Variants in DDAH1 observed in about 807,000 individuals in gnomAD.
DDAH1 encodes N(G),N(G)-dimethylarginine dimethylaminohydrolase 1.
Under a neutral mutation model 28.8 loss-of-function variants are expected in DDAH1, and 19 were observed. The ratio of observed to expected loss-of-function variants is 0.66; its 90% CI spans 0.46 to 0.97. The LOEUF is 0.97. Among genes scored for constraint, DDAH1 ranks in the 50% least tolerant of loss-of-function variants. The pLI, the probability that DDAH1 is intolerant of heterozygous loss-of-function variation, is 0.00. For synonymous variants in DDAH1, 153 were observed against 154.4 expected, an observed-to-expected ratio of 0.99 and a Z score of 0.07; for missense variants, 326 against 375.9, an observed-to-expected ratio of 0.87 and a Z score of 1.10.
At chr1:85,407,695 T>G (rs1200135870) in intron 1 of DDAH1, among the ~76,000 whole-genome samples, 2 of 152,188 alleles carry the variant, frequency 1.3e-5, no homozygotes, top group African/African-American at 4.8e-5. Flanking sequence ...AAGAACTGAT[T>G]GTTGGTTTTT....
rs112037916 is a variant in DDAH1, at chr1:85,538,447, T to C, written c.-123+39537A>G. On this transcript the variant is annotated intron_variant, in intron 1 of 6. Transcript: ENST00000426972. ...ATCCTAAACCATATGGTATCATTAT[T>C]ATTAGTGTTGGATTGCCCTAAAAGG... 8.9e-3 allele frequency among the ~76,000 whole-genome samples: 1,358 copies of C among 152,308 alleles called. 20 individuals carry two copies. Among genetic ancestry groups the C allele is most frequent in the African/African-American group, 0.031 (1,287 of 41,562 alleles).
At chr1:85,497,275 C>G (rs12745559) in intron 1 of DDAH1, among the ~76,000 whole-genome samples, 1 of 151,896 alleles carries the variant, frequency 6.6e-6, no homozygotes, top group Admixed American at 6.6e-5. Context: ...ACTAAGAATG[C>G]AAAAAATGGC....
At chr1:85,435,915 C>T (rs570121) in intron 1 of DDAH1, among the ~76,000 whole-genome samples, 105,996 of 151,688 alleles carry the variant, frequency 0.7, 37,534 homozygotes, top group Middle Eastern at 0.85. Context: ...CTCAGCCTCC[C>T]GAGTAGCTGG....
intron 1 of DDAH1, among the ~76,000 whole-genome samples, chr1:85,407,728 T>C (rs371432643): frequency 6.6e-6 from 1 of 152,206 alleles, no homozygotes; most frequent in Non-Finnish European, 1.5e-5. Context: ...CCAAGGGTTA[T>C]GAAACATTAC....
At chr1:85,506,005 CA>C (rs1657004571) in intron 1 of DDAH1, among the ~76,000 whole-genome samples, 1 of 152,242 alleles carries the variant, frequency 6.6e-6, no homozygotes, top group South Asian at 2.1e-4. Context: ...GTGAGCAGCT[CA>C]GGGGAGACAA....
intron 1 of DDAH1, among the ~76,000 whole-genome samples, chr1:85,402,338 TC>T (rs1240633999): frequency 1.3e-5 from 2 of 151,958 alleles, no homozygotes; most frequent in Non-Finnish European, 2.9e-5. Flanking sequence ...GCCTCCAATT[TC>T]TTTCTTCTAG....
intron 2 of DDAH1, among the ~76,000 whole-genome samples, chr1:85,480,855 A>G (rs1026865419): frequency 1.3e-5 from 2 of 152,074 alleles, no homozygotes; most frequent in Non-Finnish European, 2.9e-5. Flanking sequence ...GTATATCCAT[A>G]CCTGTGGGAT....
chr1:85,497,290 AG>A (rs1462918849), intron 1 of DDAH1, among the ~76,000 whole-genome samples: 1 of 152,084 alleles, frequency 6.6e-6, no homozygotes. Flanking sequence ...AATGGCTGTG[AG>A]TTGTACTCTC....
At chr1:85,480,002 C>T (rs891530836) in intron 2 of DDAH1, among the ~76,000 whole-genome samples, 2 of 152,232 alleles carry the variant, frequency 1.3e-5, no homozygotes, top group Non-Finnish European at 2.9e-5. Context: ...CACATGTCTG[C>T]TCTCATAGGA....
At position 85,464,470 on chromosome 1, in the gene DDAH1, T is replaced by G; in HGVS notation, c.303+273A>C. 6.6e-7 allele frequency: 1 copy of G among 1,510,538 alleles called. No homozygotes were observed. Among genetic ancestry groups the G allele is most frequent in the Admixed American group, 2.0e-5 (1 of 50,162 alleles). The allele number at this position is 1,510,538 out of a possible 1,614,324, so 93.6% of individuals were successfully genotyped here. ...TAATTTTCACAAATAAAAATGCCCG[T>G]GAGACGGAATCCCCCGCCCACCCAC... On this transcript the variant is annotated intron_variant, in intron 1 of 5. Transcript: ENST00000284031. This position sits in a 1 kb window ranked among gnomAD's most constrained non-coding sequence, Gnocchi z 4.4.
chr1:85,353,950 T>G (rs1447901470), intron 2 of DDAH1, among the ~76,000 whole-genome samples: 1 of 151,864 alleles, frequency 6.6e-6, no homozygotes, highest in Non-Finnish European at 1.5e-5. Flanking sequence ...TGAAAAAAAG[T>G]AAAAAAAGGC....
intron 4 of DDAH1, among the ~76,000 whole-genome samples, chr1:85,337,411 A>G (rs1006301904): frequency 6.6e-6 from 1 of 152,196 alleles, no homozygotes; most frequent in African/African-American, 2.4e-5. Flanking sequence ...TTATCCATTT[A>G]AAACTGTAAT....
chr1:85,426,921 C>CAAAAAAAAAAAAAAAAAAAA (rs10680800), intron 1 of DDAH1, among the ~76,000 whole-genome samples: 2 of 120,426 alleles, frequency 1.7e-5, no homozygotes, highest in Non-Finnish European at 1.7e-5. Context: ...TTAAAAAAAA[C>CAAAAAAAAAAAAAAAAAAAA]AAAAAAAAAA....
intron 1 of DDAH1, among the ~76,000 whole-genome samples, chr1:85,531,160 T>G (rs1268560401): frequency 6.6e-6 from 1 of 152,200 alleles, no homozygotes; most frequent in Non-Finnish European, 1.5e-5. Context: ...ATGCCTACTC[T>G]CACAGTTAAC....
At chr1:85,388,234 G>A (rs1487012049) in intron 1 of DDAH1, among the ~76,000 whole-genome samples, 3 of 152,252 alleles carry the variant, frequency 2.0e-5, no homozygotes, top group Non-Finnish European at 1.5e-5. Flanking sequence ...CTATCTCATA[G>A]GGTTGATATG....
rs1345818289 is a variant in DDAH1 at position 85,497,367 on chromosome 1, G to A, written c.-122-1086C>T. Among the ~76,000 whole-genome samples the A allele has an allele frequency of 2.6e-5, 4 of 152,164 alleles. 1 individual carries two copies. The highest frequency in any genetic ancestry group is 5.9e-5 in the Non-Finnish European group (4 of 68,024). The stretch of plus-strand genomic sequence containing the variant: ...GGTATTTCCAAAGGCGAGGGACTAC[G>A]GTACTTAGCAACACTTTGCAGATTT... On this transcript the variant is annotated intron_variant, in intron 1 of 6. Transcript: ENST00000426972.
At chr1:85,541,504 C>T (rs1426876277) in intron 1 of DDAH1, among the ~76,000 whole-genome samples, 10 of 152,164 alleles carry the variant, frequency 6.6e-5, no homozygotes, top group Admixed American at 6.5e-5. Flanking sequence ...CAACTTCAGA[C>T]ATTAGTAAAT....
intron 1 of DDAH1, among the ~76,000 whole-genome samples, chr1:85,461,961 T>C (rs191571766): frequency 1.3e-5 from 2 of 152,350 alleles, no homozygotes; most frequent in Admixed American, 6.5e-5. Context: ...TCTATAACCC[T>C]GGCCAATTTA....
At chr1:85,358,407 T>C (rs898900977) in intron 2 of DDAH1, among the ~76,000 whole-genome samples, 8 of 152,226 alleles carry the variant, frequency 5.3e-5, no homozygotes, top group African/African-American at 1.7e-4. Flanking sequence ...CCCAGTATTT[T>C]GGGAGGCCGA....
Sources: allele counts gnomAD v4.1 joint callset (sites outside exome capture counted in the v4.1 genomes callset), GRCh38; gene constraint gnomAD v4.1.1; non-coding constraint Gnocchi (gnomAD v3.1); transcripts MANE v1.5; gene names NCBI Gene and HGNC (gene_info 2026-07-23, HGNC 2026-07-21).